The following NDUFAF7 variants were observed in gnomAD, a reference collection of about 807,000 sequenced individuals.
The protein encoded by NDUFAF7 is NADH:ubiquinone oxidoreductase complex assembly factor 7, also known as protein arginine methyltransferase NDUFAF7, mitochondrial.
In NDUFAF7, 48 loss-of-function variants were observed where a neutral mutation model predicts 47.2. The observed-to-expected ratio is 1.02, with a 90% CI of 0.81 to 1.29. The LOEUF is 1.29. NDUFAF7 is among the 50% of genes most tolerant of loss of function. NDUFAF7 has a pLI of 0.00. For synonymous variants in NDUFAF7, 217 were observed against 190.0 expected, an observed-to-expected ratio of 1.14 and a Z score of -1.17; for missense variants, 635 against 537.6, an observed-to-expected ratio of 1.18 and a Z score of -1.79.
At chr2:37,259,732 C>T in the NDUFAF7 span, 1 of 1,209,670 alleles carries the variant, frequency 8.3e-7, no homozygotes, top group East Asian at 2.4e-5. Context: ...CACAAGTAAA[C>T]CTCATGTGAC....
At chr2:37,267,786 GA>G in the NDUFAF7 span, 2 of 406,142 alleles carry the variant, frequency 4.9e-6, no homozygotes, top group African/African-American at 2.1e-5. Flanking sequence ...ACTTGTTGCT[GA>G]AAAGTAATCT....
chr2:37,255,758 C>T (rs1572600775), downstream of NDUFAF7, among the ~76,000 whole-genome samples: 3 of 152,190 alleles, frequency 2.0e-5, no homozygotes, highest in South Asian at 6.2e-4. Flanking sequence ...GTAATCCCAG[C>T]ACTTTGGGAG....
downstream of NDUFAF7, chr2:37,257,022 ATACT>A: frequency 7.5e-7 from 1 of 1,332,126 alleles, no homozygotes; most frequent in Admixed American, 1.9e-5. Context: ...TCATTTCAAC[ATACT>A]TGCCAGCTCT....
Position 37,237,859 on chromosome 2 carries a change from A to G in NDUFAF7, c.400A>G (p.Ile134Val). The change falls in exon 4 of 10, where the codon ATT becomes GTT. Residue 134 changes from isoleucine (I) to valine (V), a missense_variant. By Grantham distance (29) the Ile-to-Val change is conservative (BLOSUM62 3). Transcript: ENST00000002125. ...AGGTAGGGGAACCCTCGTGGGAGAT[A>G]TTTTGAGGGTAGGTAATAAAAGAAT... is the stretch of plus-strand genomic sequence containing the variant. Reference protein sequence around the residue: ...GPGRGTLVGDILRVFTQLGSV... With the variant: ...GPGRGTLVGDVLRVFTQLGSV... 1 of 1,601,412 alleles carries G rather than the reference A, an allele frequency of 6.2e-7. No homozygotes were observed. The highest frequency in any genetic ancestry group is 8.6e-7 in the Non-Finnish European group (1 of 1,168,554).
At chr2:37,264,412 T>C in the NDUFAF7 span, among the ~76,000 whole-genome samples, 9 of 151,502 alleles carry the variant, frequency 5.9e-5, no homozygotes, top group African/African-American at 7.3e-5. Flanking sequence ...GCAGAGCTTA[T>C]AAATTGCAGC....
chr2:37,246,258 G>C (rs1666890288), intron 8 of NDUFAF7, 63 bp downstream of exon 8: 13 of 1,575,360 alleles, frequency 8.3e-6, no homozygotes, highest in Non-Finnish European at 1.1e-5. Context: ...GCCCATTGAA[G>C]AGCTTTGATT....
At position 37,246,478 on chromosome 2, in the gene NDUFAF7, A is replaced by T. The variant is rs541674022; in HGVS notation, c.936+283A>T. On this transcript the variant is annotated intron_variant, in intron 8 of 9. Coordinates refer to ENST00000002125, the MANE Select transcript of NDUFAF7 (RefSeq NM_144736.5). ...ATAAGCAGCTGAATAATACAAATGGAAAGATTTTCTTCACATTCTTAAACC... is the reference window on the plus strand; with the variant it reads ...ATAAGCAGCTGAATAATACAAATGGTAAGATTTTCTTCACATTCTTAAACC... Among the ~76,000 whole-genome samples the T allele has an allele frequency of 3.9e-5, 6 of 152,324 alleles. No individual in the cohort carries two copies. The East Asian group carries it at 9.7e-4, about 25-fold the overall frequency.
downstream of NDUFAF7, chr2:37,251,579 G>A (rs1467210536): frequency 2.6e-5 from 4 of 152,070 alleles, no homozygotes; most frequent in African/African-American, 4.8e-5. Context: ...CAGGGATGTC[G>A]AAAGGCCTTC....
At chr2:37,247,380 A>G in intron 8 of NDUFAF7, 76 bp from the exon 9 acceptor site, 3 of 1,522,198 alleles carry the variant, frequency 2.0e-6, no homozygotes, top group East Asian at 2.3e-5. Flanking sequence ...TAAATATTAA[A>G]TAACTTTAAT....
intron 2 of NDUFAF7, among the ~76,000 whole-genome samples, chr2:37,235,001 C>T (rs1665604353): frequency 6.6e-6 from 1 of 152,112 alleles, no homozygotes; most frequent in South Asian, 2.1e-4. Flanking sequence ...GGTTAGGCAT[C>T]GTGCTAAAAC....
chr2:37,247,464 C>A lies in NDUFAF7; in HGVS notation c.945C>A (p.Cys315Ter), dbSNP rs192973218. 2.0e-5 allele frequency: 32 copies of A among 1,613,746 alleles called. No homozygotes were observed. The highest frequency in any genetic ancestry group is 2.7e-5 in the Non-Finnish European group (32 of 1,179,916). ...ATTTCTTTATGTTCAAGGGGTTTTG[C>A]GACCACAAGCTTCATGATGTCTTAA... ...GTKTDTFRGF[C>*]DHKLHDVLIA... The change falls in exon 9 of 10, where the codon TGC becomes TGA. Residue 315 changes from cysteine (C) to a stop codon, truncating the protein, a stop_gained. Coordinates refer to ENST00000002125, the MANE Select transcript of NDUFAF7 (RefSeq NM_144736.5). LOFTEE classifies it high-confidence loss of function.
chr2:37,231,724 T>G lies in NDUFAF7; in HGVS notation c.19T>G (p.Ser7Ala). The G allele has an allele frequency of 1.9e-6, 3 of 1,614,122 alleles. No individual in the cohort carries two copies. The highest frequency in any genetic ancestry group is 1.1e-5 in the South Asian group (1 of 91,080). Reference sequence around the variant, plus strand: ...TTTCAGCATGAGTGTACTGCTGAGGTCAGGTTTGGGGCCGTTGTGTGCCGT... The same window carrying G: ...TTTCAGCATGAGTGTACTGCTGAGGGCAGGTTTGGGGCCGTTGTGTGCCGT... Reference protein sequence around the residue: MSVLLRSGLGPLCAVAR... With the variant: MSVLLRAGLGPLCAVAR... The change falls in exon 1 of 10, where the codon TCA becomes GCA. Residue 7 changes from serine to alanine, a missense_variant. Coordinates refer to ENST00000002125, the MANE Select transcript of NDUFAF7 (RefSeq NM_144736.5).
chr2:37,241,649 A>G lies in NDUFAF7; in HGVS notation c.480A>G (p.Lys160=). ...ISVHLVEVSQ[K]LSEIQALTLT... ...TACATCTGGTAGAGGTAAGCCAAAA[A>G]TTAAGTGAGATTCAAGCATTGACAC... The change falls in exon 5 of 10, where the codon AAA becomes AAG. Residue 160 remains lysine, a synonymous_variant. Transcript: ENST00000002125. 2 of 1,614,012 alleles carry G rather than the reference A, an allele frequency of 1.2e-6. No individual in the cohort carries two copies. Among genetic ancestry groups the G allele is most frequent in the African/African-American group, 1.3e-5 (1 of 75,024 alleles).
At chr2:37,237,115 C>T (rs1183101018) in intron 3 of NDUFAF7, among the ~76,000 whole-genome samples, 1 of 152,096 alleles carries the variant, frequency 6.6e-6, no homozygotes, top group East Asian at 1.9e-4. Flanking sequence ...GGATTACAGG[C>T]ATGTGCCACC....
chr2:37,263,823 G>C, the NDUFAF7 span, among the ~76,000 whole-genome samples: 4 of 152,118 alleles, frequency 2.6e-5, no homozygotes, highest in East Asian at 1.9e-4. Flanking sequence ...TGATTTTATA[G>C]TTTTGAATTC....
At chr2:37,269,769 T>C in the NDUFAF7 span, 1 of 946,084 alleles carries the variant, frequency 1.1e-6, no homozygotes, top group Non-Finnish European at 1.6e-6. Flanking sequence ...ATCCAAATAC[T>C]TCAATACATT....
intron 7 of NDUFAF7, among the ~76,000 whole-genome samples, chr2:37,245,481 T>A (rs1015524603): frequency 3.3e-5 from 5 of 152,220 alleles, no homozygotes; most frequent in African/African-American, 1.2e-4. Flanking sequence ...CTTGGGGTAA[T>A]AACGGTTTCA....
the NDUFAF7 span, chr2:37,260,533 A>C: frequency 1.2e-5 from 9 of 770,804 alleles, no homozygotes; most frequent in Non-Finnish European, 1.7e-5. Flanking sequence ...AATCAATGAA[A>C]AGGATCTTAG....
downstream of NDUFAF7, among the ~76,000 whole-genome samples, chr2:37,257,785 G>T (rs1003113276): frequency 6.6e-6 from 1 of 151,888 alleles, no homozygotes; most frequent in Non-Finnish European, 1.5e-5. Context: ...ATAAAACTGA[G>T]GTGTATTAAA....
Sources: allele counts gnomAD v4.1 joint callset (sites outside exome capture counted in the v4.1 genomes callset), GRCh38; gene constraint gnomAD v4.1.1; transcripts MANE v1.5; gene names NCBI Gene and HGNC (gene_info 2026-07-23, HGNC 2026-07-21).